ATP7B: variants seen among roughly 807,000 people sequenced by gnomAD.
The protein encoded by ATP7B is copper-transporting ATPase 2.
In ATP7B, 113 loss-of-function variants were observed where a neutral mutation model predicts 118.9. That is an observed-to-expected ratio of 0.95 (90% CI 0.82 to 1.11). The LOEUF (loss-of-function observed/expected upper bound fraction) is 1.11. Ranked by LOEUF, ATP7B falls within the 50% of genes most tolerant of loss-of-function variation. ATP7B has a pLI of 0.00. For synonymous variants in ATP7B, 777 were observed against 727.4 expected, an observed-to-expected ratio of 1.07 and a Z score of -1.10; for missense variants, 1,867 against 1,871.4, an observed-to-expected ratio of 1.00 and a Z score of 0.04.
chr13:52,006,842 C>G lies in ATP7B; in HGVS notation c.51+4445G>C, dbSNP rs545110574. 3.3e-5 allele frequency among the ~76,000 whole-genome samples: 5 copies of G among 152,296 alleles called. 1 individual carries two copies. The South Asian group carries it at 1.0e-3, about 32-fold the overall frequency. ...CTCCTGTGTGCCCAATCAATGCCTG[C>G]TCTTCCTGAAAGACCCACTCGAGCA... On this transcript the variant is annotated intron_variant, in intron 1 of 20. Transcript: ENST00000242839.
rs749608402 is a variant in ATP7B at position 51,983,144 on chromosome 13, C to G, written c.52-7976G>C. 6.5e-4 allele frequency among the ~76,000 whole-genome samples: 99 copies of G among 152,188 alleles called. 2 individuals are homozygous for G. Among genetic ancestry groups the G allele is most frequent in the African/African-American group, 1.9e-3 (80 of 41,430 alleles). On this transcript the variant is annotated intron_variant, in intron 1 of 20. Coordinates refer to ENST00000242839, the MANE Select transcript of ATP7B (RefSeq NM_000053.4). ...CAGCGGATCCCACCCCTACAGAGCC[C>G]AGCAAGTTAAGATCCACTGGTTTGA...
chr13:52,009,910 G>T (rs556783872), intron 1 of ATP7B, among the ~76,000 whole-genome samples: 2 of 152,094 alleles, frequency 1.3e-5, no homozygotes, highest in African/African-American at 4.8e-5. Context: ...GATTAAACGC[G>T]AGAGTGCACA....
chr13:51,937,087 T>C (rs1300130170), intron 19 of ATP7B, among the ~76,000 whole-genome samples, 189 bp downstream of exon 19: 1 of 151,744 alleles, frequency 6.6e-6, no homozygotes, highest in Non-Finnish European at 1.5e-5. Context: ...GAATGAAGGT[T>C]TCAGGTCCTC....
intron 1 of ATP7B, among the ~76,000 whole-genome samples, chr13:51,988,588 G>A (rs760169983): frequency 6.6e-6 from 1 of 151,938 alleles, no homozygotes; most frequent in Non-Finnish European, 1.5e-5. Flanking sequence ...ATCATTCTAC[G>A]ATAAAGACAC....
intron 3 of ATP7B, 132 bp from the exon 4 acceptor site, chr13:51,968,739 A>C: frequency 9.0e-7 from 1 of 1,117,042 alleles, no homozygotes. Context: ...ACACTGTTTG[A>C]AAATGAGGCT....
chr13:51,943,860 G>T (rs1957486141), intron 14 of ATP7B, among the ~76,000 whole-genome samples: 1 of 152,136 alleles, frequency 6.6e-6, no homozygotes, highest in South Asian at 2.1e-4. Flanking sequence ...CACTCCTGTT[G>T]TTCTCCTGAG....
intron 6 of ATP7B, 41 bp from the exon 7 acceptor site, chr13:51,960,363 C>T: frequency 6.3e-7 from 1 of 1,598,528 alleles, no homozygotes; most frequent in Non-Finnish European, 8.5e-7. Flanking sequence ...TCAGATGCTG[C>T]TTGTCACCTG....
intron 19 of ATP7B, among the ~76,000 whole-genome samples, chr13:51,936,287 G>A (rs1472502647): frequency 6.6e-6 from 1 of 152,126 alleles, no homozygotes; most frequent in Non-Finnish European, 1.5e-5. Context: ...CTGACTCACT[G>A]GGCTCAGGAA....
chr13:52,006,688 A>G (rs902752548), intron 1 of ATP7B, among the ~76,000 whole-genome samples: 20 of 152,218 alleles, frequency 1.3e-4, no homozygotes, highest in African/African-American at 4.8e-4. Context: ...GGTCTTCCAC[A>G]GACCTTCCAG....
At chr13:51,971,250 T>A (rs1477812776) in intron 2 of ATP7B, among the ~76,000 whole-genome samples, 1 of 152,246 alleles carries the variant, frequency 6.6e-6, no homozygotes, top group Non-Finnish European at 1.5e-5. Context: ...AATTTGATTC[T>A]CAGACAAACA....
intron 1 of ATP7B, among the ~76,000 whole-genome samples, chr13:51,980,305 G>C (rs1952354297): frequency 6.6e-6 from 1 of 152,046 alleles, no homozygotes; most frequent in Non-Finnish European, 1.5e-5. Flanking sequence ...CCAGGCTTTA[G>C]AATGACTTTT....
intron 1 of ATP7B, among the ~76,000 whole-genome samples, chr13:51,976,941 T>C (rs1952147648): frequency 6.6e-6 from 1 of 152,182 alleles, no homozygotes; most frequent in Non-Finnish European, 1.5e-5. Context: ...TGCACTACTG[T>C]CGATTTTATA....
At chr13:51,946,976 G>A (rs1403906727) in intron 12 of ATP7B, among the ~76,000 whole-genome samples, 1 of 152,152 alleles carries the variant, frequency 6.6e-6, no homozygotes, top group Non-Finnish European at 1.5e-5. Flanking sequence ...CTATTCTAAG[G>A]TGATAATCAT....
chr13:51,957,708 G>A (rs1958446785), intron 8 of ATP7B, 101 bp from the exon 9 acceptor site: 2 of 1,149,318 alleles, frequency 1.7e-6, no homozygotes, highest in Non-Finnish European at 2.6e-6. Flanking sequence ...GCTGGTGCGA[G>A]AGAAACAGCC....
Position 51,974,033 on chromosome 13 carries a change from T to A in ATP7B, c.1187A>T (p.Glu396Val). 1 of 1,614,266 alleles carries A rather than the reference T, an allele frequency of 6.2e-7. No individual in the cohort carries two copies. Among genetic ancestry groups the A allele is most frequent in the Non-Finnish European group, 8.5e-7 (1 of 1,180,048 alleles). The part of the protein sequence containing the change: ...GVQQISVSLA[E>V]GTATVLYNPS... ...ATTATAAAGAACTGTTGCAGTCCCT[T>A]CGGCCAAAGACACCGATATTTGCTG... The change falls in exon 2 of 21, where the codon GAA becomes GTA. Residue 396 changes from glutamate (E) to valine (V), a missense_variant. Transcript: ENST00000242839.
At position 51,958,440 on chromosome 13, in the gene ATP7B, A is replaced by G; in HGVS notation, c.2226T>C (p.Val742=). Residue 742 remains valine (V), a synonymous_variant, in exon 8 of 21, where the codon GTT becomes GTC. Transcript: ENST00000242839. ...CAACCACCAGGATGACCAGAGAATA[A>G]ACATAAGCAATGCTTGTGGCCAGGA... ...LIVLATSIAY[V]YSLVILVVAV... The G allele has an allele frequency of 1.2e-6, 2 of 1,614,194 alleles. No homozygotes were observed. Among genetic ancestry groups the G allele is most frequent in the Non-Finnish European group, 1.7e-6 (2 of 1,180,030 alleles).
rs1952077008 is a variant in ATP7B at position 51,975,672 on chromosome 13, T to C, written c.52-504A>G. 9.7e-5 allele frequency: 44 copies of C among 453,048 alleles called. 1 individual carries two copies. The highest frequency in any genetic ancestry group is 6.8e-4 in the South Asian group (44 of 64,432). The allele number at this position is 453,048 out of a possible 1,614,324, so 28.1% of individuals were successfully genotyped here. ...TTACTTCTATATCTCTTTCTAGGGG[T>C]GTCTGTCTGATTATCTTAGCAGAGG... On this transcript the variant is annotated intron_variant, in intron 1 of 20. Coordinates refer to ENST00000242839, the MANE Select transcript of ATP7B (RefSeq NM_000053.4).
At position 51,958,542 on chromosome 13, in the gene ATP7B, G is replaced by A. The variant is rs779988850; in HGVS notation, c.2124C>T (p.Leu708=). ...IFFILCTFVQ[L]LGGWYFYVQA... is the part of the protein sequence containing the mutation. ...GAACGTAGAAGTACCACCCACCGAG[G>A]AGCTGAAAGACAAGGACAGTGAAGG... The change falls in exon 8 of 21, where the codon CTC becomes CTT. Residue 708 remains leucine, a splice_region_variant and synonymous_variant. Transcript: ENST00000242839. 1.2e-6 allele frequency: 2 copies of A among 1,613,958 alleles called. No homozygotes were observed. The highest frequency in any genetic ancestry group is 1.1e-5 in the South Asian group (1 of 91,072).
chr13:51,976,425 C>G (rs1028324735), intron 1 of ATP7B, among the ~76,000 whole-genome samples: 4 of 152,058 alleles, frequency 2.6e-5, no homozygotes, highest in Non-Finnish European at 5.9e-5. Flanking sequence ...TTAATAATTA[C>G]ATAGAATTTT....
Sources: gnomAD v4.1 joint callset for allele counts (sites outside exome capture counted in the v4.1 genomes callset) on GRCh38, gnomAD v4.1.1 for gene constraint, MANE v1.5 for transcripts, NCBI Gene and HGNC (gene_info 2026-07-23, HGNC 2026-07-21) for gene names.